Variants in EYS observed in about 807,000 individuals in gnomAD.
EYS encodes EGF-like photoreceptor maintenance factor.
EYS carries 250 observed loss-of-function variants against 282.1 expected under a neutral mutation model. The ratio of observed to expected loss-of-function variants is 0.89; its 90% CI spans 0.80 to 0.98. The LOEUF (loss-of-function observed/expected upper bound fraction) is 0.98. Among genes scored for constraint, EYS ranks in the 50% least tolerant of loss-of-function variants. The pLI is 0.00. For synonymous variants in EYS, 1,355 were observed against 1,282.9 expected, an observed-to-expected ratio of 1.06 and a Z score of -1.20; for missense variants, 4,016 against 3,709.0, an observed-to-expected ratio of 1.08 and a Z score of -2.15.
chr6:64,980,094 G>C (rs180671717), intron 14 of EYS, among the ~76,000 whole-genome samples: 1 of 151,464 alleles, frequency 6.6e-6, no homozygotes, highest in Admixed American at 6.6e-5. Flanking sequence ...GAAAAGGAAA[G>C]AAATACAGTA....
intron 13 of EYS, among the ~76,000 whole-genome samples, chr6:65,048,350 T>A (rs1455609850): frequency 6.6e-6 from 1 of 151,908 alleles, no homozygotes; most frequent in African/African-American, 2.4e-5. Context: ...ACTTTAGTAA[T>A]AGTTCTCTGG....
chr6:65,201,454 T>C (rs1765898889), intron 12 of EYS, among the ~76,000 whole-genome samples: 1 of 152,184 alleles, frequency 6.6e-6, no homozygotes, highest in Admixed American at 6.6e-5. Flanking sequence ...CTCTTCTTTA[T>C]GTGCTCTAAG....
At chr6:64,562,172 G>T (rs1052910084) in intron 26 of EYS, among the ~76,000 whole-genome samples, 2 of 151,376 alleles carry the variant, frequency 1.3e-5, no homozygotes, top group South Asian at 4.2e-4. Context: ...TCATCATCAG[G>T]ATTTTTTTTT....
At chr6:64,419,478 A>C (rs558034682) in intron 28 of EYS, among the ~76,000 whole-genome samples, 164 of 152,296 alleles carry the variant, frequency 1.1e-3, no homozygotes, top group African/African-American at 3.8e-3. Flanking sequence ...CATTAACCTA[A>C]AAGTCCAAAT....
chr6:64,650,450 G>C (rs765660548), intron 22 of EYS, among the ~76,000 whole-genome samples: 27 of 151,834 alleles, frequency 1.8e-4, no homozygotes, highest in Admixed American at 1.1e-3. Context: ...ACCCCAAAAA[G>C]AAATAAATAA....
intron 26 of EYS, among the ~76,000 whole-genome samples, chr6:64,561,949 C>T (rs1765409062): frequency 1.4e-5 from 2 of 146,992 alleles, no homozygotes; most frequent in Non-Finnish European, 1.5e-5. Context: ...GAGCTCCAAT[C>T]CTAAGCAAAA....
chr6:65,629,426 C>T (rs550160134), intron 2 of EYS, among the ~76,000 whole-genome samples: 3 of 152,154 alleles, frequency 2.0e-5, no homozygotes, highest in Middle Eastern at 3.2e-3. Flanking sequence ...CACTAGATAT[C>T]GACCATTTGC....
At chr6:63,995,534 G>C (rs1009783079) in intron 34 of EYS, among the ~76,000 whole-genome samples, 1 of 151,940 alleles carries the variant, frequency 6.6e-6, no homozygotes, top group Admixed American at 6.6e-5. Context: ...ATCTGATCTA[G>C]CAATACCACT....
At chr6:65,545,858 A>G (rs1173990542) in intron 2 of EYS, among the ~76,000 whole-genome samples, 2 of 152,124 alleles carry the variant, frequency 1.3e-5, no homozygotes, top group Non-Finnish European at 2.9e-5. Flanking sequence ...ATTATGCAAG[A>G]TTATACAAGA....
chr6:65,416,194 G>T (rs893346878), intron 5 of EYS, among the ~76,000 whole-genome samples: 1 of 151,896 alleles, frequency 6.6e-6, no homozygotes, highest in Non-Finnish European at 1.5e-5. Context: ...TTTGAAAAAT[G>T]AGACAGGGTT....
At chr6:64,878,275 G>A (rs1397547917) in intron 19 of EYS, among the ~76,000 whole-genome samples, 2 of 151,968 alleles carry the variant, frequency 1.3e-5, no homozygotes, top group South Asian at 2.1e-4. Context: ...ACAGCAGTAG[G>A]GCAGTAGGGT....
chr6:65,216,540 G>A (rs1383100423), intron 12 of EYS, among the ~76,000 whole-genome samples: 2 of 151,838 alleles, frequency 1.3e-5, no homozygotes, highest in Non-Finnish European at 2.9e-5. Flanking sequence ...GGTGTGAGAA[G>A]CACTAGTTTG....
intron 37 of EYS, among the ~76,000 whole-genome samples, chr6:63,801,169 T>C (rs1770774171): frequency 6.6e-6 from 1 of 151,722 alleles, no homozygotes; most frequent in African/African-American, 2.4e-5. Flanking sequence ...AAGAGGAGAA[T>C]AGAGGGGAAG....
At chr6:64,362,984 T>C (rs960235559) in intron 29 of EYS, among the ~76,000 whole-genome samples, 2 of 131,576 alleles carry the variant, frequency 1.5e-5, no homozygotes, top group Non-Finnish European at 3.2e-5. Context: ...TGTTTCATTT[T>C]CTTTCATTTT....
At chr6:64,496,800 A>C in intron 26 of EYS, among the ~76,000 whole-genome samples, 1 of 152,032 alleles carries the variant, frequency 6.6e-6, no homozygotes. Flanking sequence ...ATTATGCCAC[A>C]TGATTATTAG....
At chr6:65,686,962 G>C (rs1769041106) in intron 1 of EYS, among the ~76,000 whole-genome samples, 3 of 151,746 alleles carry the variant, frequency 2.0e-5, no homozygotes, top group Admixed American at 2.0e-4. Context: ...GATTTTATTA[G>C]AACACAAAAA....
At chr6:64,838,037 T>C (rs1370413563) in intron 19 of EYS, among the ~76,000 whole-genome samples, 1 of 151,772 alleles carries the variant, frequency 6.6e-6, no homozygotes, top group Non-Finnish European at 1.5e-5. Flanking sequence ...TTGTGTGCTT[T>C]ATATATAACC....
chr6:65,376,841 C>A (rs1183419856), intron 8 of EYS, among the ~76,000 whole-genome samples: 1 of 152,138 alleles, frequency 6.6e-6, no homozygotes. Flanking sequence ...AATATATATG[C>A]ACCCAATACA....
chr6:65,683,670 A>C (rs993081318), intron 1 of EYS, among the ~76,000 whole-genome samples: 1 of 152,014 alleles, frequency 6.6e-6, no homozygotes, highest in African/African-American at 2.4e-5. Context: ...TCTGTTTTTA[A>C]AAACTAGCAG....
Sources: gnomAD v4.1 joint callset for allele counts (sites outside exome capture counted in the v4.1 genomes callset) on GRCh38, gnomAD v4.1.1 for gene constraint, MANE v1.5 for transcripts, NCBI Gene and HGNC (gene_info 2026-07-23, HGNC 2026-07-21) for gene names.